Variants in MYH2 observed in about 807,000 individuals in gnomAD.
MYH2 encodes the protein myosin heavy chain 2.
A neutral mutation model predicts 228.1 loss-of-function variants in MYH2; 139 were observed. The observed-to-expected ratio is 0.61, with a 90% confidence interval of 0.53 to 0.70. The LOEUF is 0.70. Ranked by LOEUF, MYH2 falls within the 30% of genes least tolerant of loss-of-function variation. MYH2 has a pLI of 0.00. For synonymous variants in MYH2, 796 were observed against 871.1 expected (o/e 0.91, Z 1.52); for missense variants, 1,809 against 2,357.5 (o/e 0.77, Z 4.82).
At chr17:10,544,637 T>C (rs1235876637) in intron 5 of MYH2, among the ~76,000 whole-genome samples, 1 of 152,244 alleles carries the variant, frequency 6.6e-6, no homozygotes, top group African/African-American at 2.4e-5. Flanking sequence ...GTGATAGTTT[T>C]AGAAATACGG....
intron 21 of MYH2, among the ~76,000 whole-genome samples, chr17:10,532,861 A>G (rs1169035187): frequency 1.3e-5 from 2 of 152,226 alleles, no homozygotes; most frequent in African/African-American, 4.8e-5. Flanking sequence ...AATATTTTAA[A>G]TCATGAGAGT....
intron 4 of MYH2, among the ~76,000 whole-genome samples, chr17:10,546,197 C>T (rs1451565565): frequency 7.4e-6 from 1 of 134,832 alleles, no homozygotes; most frequent in Non-Finnish European, 1.5e-5. Flanking sequence ...AAGTATACAG[C>T]AACACTCAGG....
At chr17:10,539,158 C>T (rs1489495568) in intron 14 of MYH2, 47 bp downstream of exon 14, 1 of 1,613,200 alleles carries the variant, frequency 6.2e-7, no homozygotes, top group Non-Finnish European at 8.5e-7. Flanking sequence ...ATAGATATTT[C>T]CATTGCCTTA....
Position 10,529,197 on chromosome 17 carries a change from C to T in MYH2, c.3319G>A (p.Gly1107Ser). 6.2e-7 allele frequency: 1 copy of T among 1,614,194 alleles called. No individual in the cohort carries two copies. The highest frequency in any genetic ancestry group is 8.5e-7 in the Non-Finnish European group (1 of 1,180,046). Residue 1107 changes from glycine (G) to serine (S), a missense_variant, in exon 26 of 40, where the codon GGC becomes AGC. Around this residue, in one of 9 missense-constraint regions of MYH2, gnomAD observed 636 missense variants for 729.9 expected, o/e 0.87. Coordinates refer to ENST00000245503, the MANE Select transcript of MYH2 (RefSeq NM_017534.6). ...TTAATTTTCTTCTGCAATTGAATGC[C>T]AAGTGCCTGTTCATCTTCAATCTTG... ...QSKIEDEQAL[G>S]IQLQKKIKEL...
chr17:10,532,890 A>G (rs2073441075), intron 21 of MYH2, among the ~76,000 whole-genome samples: 1 of 152,232 alleles, frequency 6.6e-6, no homozygotes, highest in Non-Finnish European at 1.5e-5. Flanking sequence ...ATAAATGATC[A>G]GAGGGAAAAA....
At chr17:10,542,591 G>T (rs926289412) in intron 10 of MYH2, among the ~76,000 whole-genome samples, 1 of 152,304 alleles carries the variant, frequency 6.6e-6, no homozygotes, top group East Asian at 1.9e-4. Context: ...GTATCTATAT[G>T]TAGAGATATG....
Position 10,525,950 on chromosome 17 carries a change from A to G in MYH2, c.4188-74T>C. 1 of 1,503,228 alleles carries G rather than the reference A, an allele frequency of 6.7e-7. No homozygotes were observed. The highest frequency in any genetic ancestry group is 1.8e-5 in the Admixed American group (1 of 54,168). 93.1% of individuals were successfully genotyped at this position (1,503,228 alleles called of 1,614,324 possible). On this transcript the variant is annotated intron_variant, in intron 30 of 39. Coordinates refer to ENST00000245503, the MANE Select transcript of MYH2 (RefSeq NM_017534.6). The surrounding 1 kb of genome is among the most constrained non-coding windows in gnomAD (Gnocchi z 4.2). ...TATGAGCTATTGCCACACACGCTGA[A>G]GAGTGTTAGAAACTTCACATTAATG...
At chr17:10,528,389 T>A (rs185007651) in intron 27 of MYH2, among the ~76,000 whole-genome samples, 1 of 152,308 alleles carries the variant, frequency 6.6e-6, no homozygotes, top group Admixed American at 6.5e-5. Flanking sequence ...TATTTCAATT[T>A]CCTTGAAATA....
At chr17:10,542,840 C>A (rs1222752884) in intron 10 of MYH2, 35 bp downstream of exon 10, 1 of 1,416,364 alleles carries the variant, frequency 7.1e-7, no homozygotes, top group Non-Finnish European at 1.0e-6. Context: ...GGTACTGATG[C>A]AGTAATTCTG....
chr17:10,526,881 A>G, intron 29 of MYH2, 57 bp downstream of exon 29: 4 of 1,613,290 alleles, frequency 2.5e-6, no homozygotes, highest in South Asian at 1.1e-5. Flanking sequence ...CTGGTATAAC[A>G]GGCTCCATGT....
intron 19 of MYH2, among the ~76,000 whole-genome samples, chr17:10,534,743 C>T (rs2073463258): frequency 6.6e-6 from 1 of 152,116 alleles, no homozygotes; most frequent in African/African-American, 2.4e-5. Context: ...ATGGTGAAAC[C>T]CCATCTGTAC....
At chr17:10,540,875 A>G (rs940719304) in intron 10 of MYH2, among the ~76,000 whole-genome samples, 178 bp from the exon 11 acceptor site, 2 of 152,214 alleles carry the variant, frequency 1.3e-5, no homozygotes, top group Non-Finnish European at 2.9e-5. Context: ...GACATTTATT[A>G]GTTCCCCAAA....
chr17:10,535,122 A>C lies in MYH2; in HGVS notation c.2131T>G (p.Cys711Gly). Reference protein sequence around the residue: ...CNGVLEGIRICRKGFPSRILY... With the variant: ...CNGVLEGIRIGRKGFPSRILY... ...ATTCTGCTTGGAAATCCTTTCCTAC[A>C]GATGCGGATGCCTTCCAGCACACCG... The change falls in exon 19 of 40, where the codon TGT becomes GGT. Residue 711 changes from cysteine (C) to glycine (G), a missense_variant. Transcript: ENST00000245503. 1 of 1,614,160 alleles carries C rather than the reference A, an allele frequency of 6.2e-7. No individual in the cohort carries two copies. Among genetic ancestry groups the C allele is most frequent in the Non-Finnish European group, 8.5e-7 (1 of 1,180,024 alleles).
At chr17:10,547,080 G>T (rs972406378) in intron 4 of MYH2, among the ~76,000 whole-genome samples, 1 of 152,140 alleles carries the variant, frequency 6.6e-6, no homozygotes, top group Non-Finnish European at 1.5e-5. Context: ...CACAGAGCAA[G>T]ACTCTGTCTC....
At chr17:10,546,255 TGATATATATATATATA>T (rs2073627501) in intron 4 of MYH2, among the ~76,000 whole-genome samples, 1 of 27,146 alleles carries the variant, frequency 3.7e-5, no homozygotes, top group South Asian at 1.9e-3. Context: ...GGACACGAAA[TGATATATATATATATA>T]TATATATATA....
chr17:10,542,276 C>A (rs1445745490), intron 10 of MYH2, among the ~76,000 whole-genome samples: 1 of 151,798 alleles, frequency 6.6e-6, no homozygotes, highest in Non-Finnish European at 1.5e-5. Context: ...TCCATCTCAA[C>A]AAACAAACAA....
chr17:10,525,328 C>T lies in MYH2; in HGVS notation c.4558G>A (p.Glu1520Lys), dbSNP rs1241717990. 1 of 1,613,956 alleles carries T rather than the reference C, an allele frequency of 6.2e-7. No homozygotes were observed. The highest frequency in any genetic ancestry group is 8.5e-7 in the Non-Finnish European group (1 of 1,180,032). Residue 1520 changes from glutamate to lysine, a missense_variant, in exon 33 of 40, where the codon GAA (glutamate) becomes AAA (lysine). Glu to Lys is a moderately conservative substitution (Grantham distance 56). Coordinates refer to ENST00000245503, the MANE Select transcript of MYH2 (RefSeq NM_017534.6). The surrounding 1 kb of genome is among the most constrained non-coding windows in gnomAD (Gnocchi z 4.2). ...NLQQEISDLT[E>K]QIAEGGKRIH... The stretch of plus-strand genomic sequence containing the variant: ...CGTTTCCCTCCTTCTGCAATCTGTT[C>T]CGTGAGGTCAGAAATCTCCTCTGTT...
intron 39 of MYH2, 82 bp from the exon 40 acceptor site, chr17:10,521,514 C>T: frequency 6.9e-7 from 1 of 1,459,536 alleles, no homozygotes; most frequent in Non-Finnish European, 9.6e-7. Context: ...AAGGACTTGG[C>T]ATCTATGGAG....
chr17:10,549,209 G>C (rs928194138), intron 2 of MYH2, among the ~76,000 whole-genome samples, 166 bp downstream of exon 2: 1 of 152,184 alleles, frequency 6.6e-6, no homozygotes, highest in African/African-American at 2.4e-5. Context: ...GAGGATGTGT[G>C]CATTGTCCTG....
Sources: allele counts gnomAD v4.1 joint callset (sites outside exome capture counted in the v4.1 genomes callset), GRCh38; gene constraint gnomAD v4.1.1; regional missense constraint gnomAD v4.1.1; non-coding constraint Gnocchi (gnomAD v3.1); transcripts MANE v1.5; gene names NCBI Gene and HGNC (gene_info 2026-07-23, HGNC 2026-07-21).